TBC1D5: variants seen among roughly 807,000 people sequenced by gnomAD.
TBC1D5 encodes TBC1 domain family member 5, also known as TBC1 domain family, member 5.
A neutral mutation model predicts 100.3 loss-of-function variants in TBC1D5; 75 were observed. The ratio of observed to expected loss-of-function variants is 0.75; its 90% CI spans 0.62 to 0.91. The LOEUF (loss-of-function observed/expected upper bound fraction) is 0.91, where lower values mean the gene tolerates loss of function less well. Ranked by LOEUF, TBC1D5 falls within the 40% of genes least tolerant of loss-of-function variation. The pLI, the probability that TBC1D5 is intolerant of heterozygous loss-of-function variation, is 0.00. For synonymous variants in TBC1D5, 323 were observed against 325.6 expected (o/e 0.99, Z 0.09); for missense variants, 910 against 942.4 (o/e 0.97, Z 0.45).
At chr3:17,506,045 A>G (rs747073600) in intron 3 of TBC1D5, among the ~76,000 whole-genome samples, 1 of 152,248 alleles carries the variant, frequency 6.6e-6, no homozygotes, top group African/African-American at 2.4e-5. Flanking sequence ...GCAAAGCACT[A>G]AAGTGCAGTG....
At chr3:17,690,668 A>G (rs182458351) in intron 1 of TBC1D5, among the ~76,000 whole-genome samples, 1 of 152,174 alleles carries the variant, frequency 6.6e-6, no homozygotes, top group Non-Finnish European at 1.5e-5. Context: ...TTAGATTCTC[A>G]TAAGACTGCT....
chr3:17,420,801 TCA>T (rs1407128421), intron 4 of TBC1D5, among the ~76,000 whole-genome samples: 5 of 152,200 alleles, frequency 3.3e-5, no homozygotes, highest in Non-Finnish European at 5.9e-5. Flanking sequence ...GAAAGGACTC[TCA>T]GTGTTGATTG....
intron 2 of TBC1D5, among the ~76,000 whole-genome samples, chr3:17,588,486 T>C (rs1022856356): frequency 6.6e-6 from 1 of 152,130 alleles, no homozygotes. Context: ...ACAAAAATTA[T>C]TGTCAGTGTA....
At chr3:17,495,180 C>A (rs914667294) in intron 3 of TBC1D5, among the ~76,000 whole-genome samples, 1 of 152,226 alleles carries the variant, frequency 6.6e-6, no homozygotes, top group African/African-American at 2.4e-5. Flanking sequence ...TCCACAGGAG[C>A]CACAGATGGA....
At chr3:17,706,328 T>A (rs2074161279) in intron 1 of TBC1D5, 1 of 1,376,476 alleles carries the variant, frequency 7.3e-7, no homozygotes, top group African/African-American at 1.5e-5. Flanking sequence ...ACTGTATACC[T>A]TTGTGAAAGA....
In TBC1D5 at chr3:17,562,604, C is replaced by T. The variant is rs149874203; in HGVS notation, c.-35-53999G>A. Among the ~76,000 whole-genome samples the T allele has an allele frequency of 2.0e-5, 3 of 151,968 alleles. No individual in the cohort carries two copies. The East Asian group carries it at 5.8e-4, about 29-fold the overall frequency. On this transcript the variant is annotated intron_variant, in intron 2 of 21. Coordinates refer to ENST00000253692, the Ensembl canonical transcript of TBC1D5. ...TGTGAGTGATATGCCAGGGACTGTG[C>T]TAAACACCAGACAAACCAATACCAA...
intron 2 of TBC1D5, among the ~76,000 whole-genome samples, chr3:17,558,766 G>A (rs574703205): frequency 2.6e-5 from 4 of 152,250 alleles, no homozygotes; most frequent in South Asian, 4.2e-4. Flanking sequence ...AATAAGCATC[G>A]CTGTGTTACA....
intron 2 of TBC1D5, among the ~76,000 whole-genome samples, chr3:17,604,194 A>T (rs1042835074): frequency 1.3e-5 from 2 of 152,166 alleles, no homozygotes; most frequent in Non-Finnish European, 2.9e-5. Flanking sequence ...TCCTTGGTTC[A>T]AGTGATCTAC....
chr3:17,724,035 G>GAAATAT (rs2075907686), intron 1 of TBC1D5, among the ~76,000 whole-genome samples: 1 of 149,028 alleles, frequency 6.7e-6, no homozygotes, highest in Non-Finnish European at 1.5e-5. Flanking sequence ...CCTTACTCCT[G>GAAATAT]AAATATATTT....
rs185976488 is a variant in TBC1D5 at position 17,498,179 on chromosome 3, C to T, written c.97+10295G>A. 1.0e-3 allele frequency among the ~76,000 whole-genome samples: 154 copies of T among 152,054 alleles called. 2 individuals carry two copies. The South Asian group carries it at 0.018, about 18-fold the overall frequency. On this transcript the variant is annotated intron_variant, in intron 3 of 21. Transcript: ENST00000253692. ...TTGAAGCTAGCATAATATTCCTGCC[C>T]TTGTGCTTTCCTATATACTTCATAT... is the stretch of plus-strand genomic sequence containing the variant.
chr3:17,213,371 A>G (rs2073217426), intron 18 of TBC1D5, among the ~76,000 whole-genome samples: 1 of 152,248 alleles, frequency 6.6e-6, no homozygotes, highest in South Asian at 2.1e-4. Flanking sequence ...CTGTTATAAA[A>G]TGTGGTTAAA....
intron 2 of TBC1D5, among the ~76,000 whole-genome samples, chr3:17,600,814 T>C (rs558822361): frequency 1.3e-5 from 2 of 151,844 alleles, no homozygotes; most frequent in Non-Finnish European, 2.9e-5. Flanking sequence ...CTTAGGACAT[T>C]TGAAAGACCG....
intron 2 of TBC1D5, among the ~76,000 whole-genome samples, chr3:17,517,428 C>G (rs372272446): frequency 2.6e-5 from 4 of 152,086 alleles, no homozygotes; most frequent in Non-Finnish European, 4.4e-5. Flanking sequence ...AGCAAGTAAA[C>G]GTTATTGTTA....
At chr3:17,628,926 C>T (rs183916346) in intron 1 of TBC1D5, among the ~76,000 whole-genome samples, 58 of 152,208 alleles carry the variant, frequency 3.8e-4, no homozygotes, top group Middle Eastern at 3.4e-3. Flanking sequence ...CTGTGTCTGC[C>T]GCCTACATTT....
chr3:17,711,904 T>C (rs1013608059), intron 1 of TBC1D5, among the ~76,000 whole-genome samples: 15 of 152,256 alleles, frequency 9.9e-5, no homozygotes, highest in African/African-American at 3.6e-4. Context: ...GTAATGTGCA[T>C]GTTCCATTTT....
chr3:17,456,429 T>TA (rs1482886123), intron 3 of TBC1D5, among the ~76,000 whole-genome samples: 1 of 152,136 alleles, frequency 6.6e-6, no homozygotes, highest in African/African-American at 2.4e-5. Flanking sequence ...CAAGACTATA[T>TA]AAGGAGCTCA....
intron 2 of TBC1D5, among the ~76,000 whole-genome samples, chr3:17,511,686 A>G (rs2095909392): frequency 6.6e-6 from 1 of 152,162 alleles, no homozygotes; most frequent in African/African-American, 2.4e-5. Flanking sequence ...AATTTAGCTT[A>G]AATTATAATT....
At chr3:17,308,030 T>C (rs1233100980) in exon 14 of TBC1D5, 2 of 1,608,276 alleles carry the variant, frequency 1.2e-6, no homozygotes, top group Middle Eastern at 1.6e-4. Context: ...TACGAAGATA[T>C]AATCTACTAA....
intron 2 of TBC1D5, among the ~76,000 whole-genome samples, chr3:17,604,020 G>T (rs775863379): frequency 6.6e-6 from 1 of 152,152 alleles, no homozygotes; most frequent in Non-Finnish European, 1.5e-5. Flanking sequence ...CCTTCATGAA[G>T]CCAAGAACCC....
Sources: allele counts gnomAD v4.1 joint callset (sites outside exome capture counted in the v4.1 genomes callset), GRCh38; gene constraint gnomAD v4.1.1; transcripts MANE v1.5; gene names NCBI Gene and HGNC (gene_info 2026-07-23, HGNC 2026-07-21).